Variants in BCAS1 observed in about 807,000 individuals in gnomAD.
BCAS1 encodes brain enriched myelin associated protein 1, also known as breast carcinoma-amplified sequence 1.
In BCAS1, 46 loss-of-function variants were observed where a neutral mutation model predicts 65.4. The ratio of observed to expected loss-of-function variants is 0.70; its 90% CI spans 0.55 to 0.90. The LOEUF is 0.90. BCAS1 is among the 40% of genes least tolerant of loss of function. BCAS1 has a pLI of 0.00. For missense variants in BCAS1, 793 were observed against 771.2 expected, an observed-to-expected ratio of 1.03 and a Z score of -0.33; for synonymous variants, 298 against 293.5, an observed-to-expected ratio of 1.02 and a Z score of -0.16.
chr20:54,046,816 C>T (rs924414823), intron 3 of BCAS1, among the ~76,000 whole-genome samples: 69 of 142,846 alleles, frequency 4.8e-4, no homozygotes, highest in African/African-American at 1.8e-3. Flanking sequence ...TGCACTCCAG[C>T]CTGGGTGACA....
intron 3 of BCAS1, 68 bp downstream of exon 3, chr20:54,058,017 C>T (rs548809877): frequency 7.0e-6 from 8 of 1,145,098 alleles, no homozygotes; most frequent in African/African-American, 3.2e-5. Flanking sequence ...TTTTTTTCAC[C>T]GTAAACAGCA....
chr20:53,977,379 C>T (rs1468097744), intron 8 of BCAS1, among the ~76,000 whole-genome samples: 1 of 152,204 alleles, frequency 6.6e-6, no homozygotes, highest in Non-Finnish European at 1.5e-5. Flanking sequence ...CAAATGGTAT[C>T]TTTAAAGCCA....
At chr20:53,979,037 C>T (rs1167745123) in intron 8 of BCAS1, among the ~76,000 whole-genome samples, 1 of 151,884 alleles carries the variant, frequency 6.6e-6, no homozygotes, top group African/African-American at 2.4e-5. Context: ...TCACTGAAGC[C>T]TGGTGGCTGG....
chr20:54,064,728 CT>C (rs1235425275), intron 1 of BCAS1, among the ~76,000 whole-genome samples: 9 of 152,322 alleles, frequency 5.9e-5, no homozygotes, highest in Admixed American at 2.6e-4. Context: ...GATCGTGAGG[CT>C]TTGGGCAAAG....
In BCAS1 at chr20:54,025,861, A is replaced by G. The variant is rs944099874; in HGVS notation, c.723+2531T>C. On this transcript the variant is annotated intron_variant, in intron 4 of 12. Coordinates refer to ENST00000688948, the MANE Select transcript of BCAS1 (RefSeq NM_001366298.2). ...AGAACAATTGCTTTTTTCCCCCTAA[A>G]TACAGAACTATGCAGCCGGGAGTCA... Among the ~76,000 whole-genome samples the G allele has an allele frequency of 5.9e-5, 9 of 152,142 alleles. 1 individual carries two copies. The South Asian group carries it at 1.5e-3, about 25-fold the overall frequency.
At chr20:54,021,823 G>A (rs1051760001) in intron 4 of BCAS1, among the ~76,000 whole-genome samples, 12 of 152,070 alleles carry the variant, frequency 7.9e-5, no homozygotes, top group Admixed American at 3.9e-4. Context: ...AAACCACCAT[G>A]GCACACATTT....
intron 12 of BCAS1, among the ~76,000 whole-genome samples, chr20:53,950,123 T>C (rs1002034908): frequency 7.3e-6 from 1 of 137,852 alleles, no homozygotes; most frequent in African/African-American, 2.7e-5. Context: ...CAGATAGGAT[T>C]ATGTCTGCAT....
At chr20:54,067,337 C>T (rs986625383) in intron 1 of BCAS1, among the ~76,000 whole-genome samples, 1 of 151,660 alleles carries the variant, frequency 6.6e-6, no homozygotes, top group Non-Finnish European at 1.5e-5. Flanking sequence ...GATCACACCG[C>T]TGCACTCCAG....
intron 6 of BCAS1, 89 bp downstream of exon 6, chr20:53,994,923 G>C: frequency 1.0e-6 from 1 of 969,782 alleles, no homozygotes. Context: ...ACACATATAT[G>C]TATTCAAAAA....
chr20:54,059,672 A>G (rs2092352652), intron 1 of BCAS1, among the ~76,000 whole-genome samples: 1 of 152,222 alleles, frequency 6.6e-6, no homozygotes, highest in Non-Finnish European at 1.5e-5. Flanking sequence ...ATAGCCTACT[A>G]CACTCCTAGG....
intron 3 of BCAS1, among the ~76,000 whole-genome samples, chr20:54,056,630 C>G (rs1180716076): frequency 6.6e-6 from 1 of 152,028 alleles, no homozygotes; most frequent in Non-Finnish European, 1.5e-5. Context: ...TTCTACAGAG[C>G]CCCCAATAGT....
At chr20:54,013,199 A>G (rs1175521812) in intron 4 of BCAS1, among the ~76,000 whole-genome samples, 1 of 152,240 alleles carries the variant, frequency 6.6e-6, no homozygotes, top group Non-Finnish European at 1.5e-5. Context: ...TATGGAAGTG[A>G]AGAACTTTTA....
intron 3 of BCAS1, among the ~76,000 whole-genome samples, chr20:54,042,651 G>A (rs914805769): frequency 2.0e-5 from 3 of 152,188 alleles, no homozygotes; most frequent in Non-Finnish European, 4.4e-5. Context: ...GGCTTGGGGA[G>A]CCATCAGAGT....
chr20:53,965,443 CT>C (rs2090001184), intron 10 of BCAS1, among the ~76,000 whole-genome samples: 1 of 152,096 alleles, frequency 6.6e-6, no homozygotes, highest in African/African-American at 2.4e-5. Flanking sequence ...AACTAATGAC[CT>C]TTTACATGCA....
intron 3 of BCAS1, among the ~76,000 whole-genome samples, chr20:54,051,254 G>T (rs142117013): frequency 6.6e-6 from 1 of 152,132 alleles, no homozygotes; most frequent in South Asian, 2.1e-4. Flanking sequence ...CTGAGCCATG[G>T]GAGATTGAGT....
At chr20:53,974,835 A>G (rs1019504292) in intron 9 of BCAS1, among the ~76,000 whole-genome samples, 1 of 152,160 alleles carries the variant, frequency 6.6e-6, no homozygotes, top group African/African-American at 2.4e-5. Context: ...AATTTTGACA[A>G]TTCCTCTAGA....
intron 4 of BCAS1, among the ~76,000 whole-genome samples, chr20:53,997,602 T>C (rs1271919626): frequency 6.6e-6 from 1 of 152,220 alleles, no homozygotes; most frequent in East Asian, 1.9e-4. Flanking sequence ...GGGTAAATTA[T>C]CAAAAATGAA....
chr20:54,001,164 C>T (rs6123336), intron 4 of BCAS1, among the ~76,000 whole-genome samples: 22,603 of 152,038 alleles, frequency 0.15, 1,881 homozygotes, highest in East Asian at 0.27. Context: ...AAGATTTGTT[C>T]GTGAAACTGA....
chr20:53,962,612 C>A (rs1050595194), intron 10 of BCAS1, among the ~76,000 whole-genome samples: 1 of 152,128 alleles, frequency 6.6e-6, no homozygotes, highest in Non-Finnish European at 1.5e-5. Context: ...AAAAATACAC[C>A]AGCACTTCAA....
Sources: gnomAD v4.1 joint callset for allele counts (sites outside exome capture counted in the v4.1 genomes callset) on GRCh38, gnomAD v4.1.1 for gene constraint, MANE v1.5 for transcripts, NCBI Gene and HGNC (gene_info 2026-07-23, HGNC 2026-07-21) for gene names.